Variants in CCDC171 observed in about 807,000 individuals in gnomAD.
CCDC171 encodes the protein coiled-coil domain-containing protein 171.
Under a neutral mutation model 168.2 loss-of-function variants are expected in CCDC171, and 177 were observed. The ratio of observed to expected loss-of-function variants is 1.05; its 90% CI spans 0.93 to 1.19. CCDC171 has a LOEUF of 1.19. Among genes scored for constraint, CCDC171 ranks in the 50% most tolerant of loss-of-function variants. CCDC171 has a pLI of 0.00. For synonymous variants in CCDC171, 687 were observed against 540.8 expected (o/e 1.27, Z -3.75); for missense variants, 1,991 against 1,539.0 (o/e 1.29, Z -4.91).
At chr9:16,089,618 C>T in the CCDC171 span, among the ~76,000 whole-genome samples, 2 of 151,902 alleles carry the variant, frequency 1.3e-5, no homozygotes, top group South Asian at 4.1e-4. Context: ...TTCCCAACAC[C>T]ATTTATTAAA....
chr9:15,795,064 AAAT>A (rs2058482990), intron 21 of CCDC171, among the ~76,000 whole-genome samples: 1 of 152,198 alleles, frequency 6.6e-6, no homozygotes, highest in African/African-American at 2.4e-5. Context: ...TGGAGTAATT[AAAT>A]AACAGTAGAA....
At position 15,967,766 on chromosome 9, in the gene CCDC171, C is replaced by G. The variant is rs188079534; in HGVS notation, c.3754-3843C>G. Among the ~76,000 whole-genome samples the G allele has an allele frequency of 2.5e-3, 375 of 152,248 alleles. 4 individuals carry two copies. Among genetic ancestry groups the G allele is most frequent in the African/African-American group, 8.1e-3 (338 of 41,532 alleles). On this transcript the variant is annotated intron_variant, in intron 25 of 25. Transcript: ENST00000380701. ...TCACACTATGTGCTTAGCATAATCTCCATGCAATACTACTAAGGCTTACTA... is the reference window on the plus strand; with the variant it reads ...TCACACTATGTGCTTAGCATAATCTGCATGCAATACTACTAAGGCTTACTA...
intron 25 of CCDC171, among the ~76,000 whole-genome samples, chr9:15,936,429 A>C (rs1227576695): frequency 1.3e-5 from 2 of 151,976 alleles, no homozygotes; most frequent in Non-Finnish European, 2.9e-5. Flanking sequence ...CAGAACACAC[A>C]GAGAGCCAGT....
intron 18 of CCDC171, among the ~76,000 whole-genome samples, chr9:15,768,674 G>A (rs956715531): frequency 6.6e-6 from 1 of 152,150 alleles, no homozygotes; most frequent in African/African-American, 2.4e-5. Flanking sequence ...TATTTAATTA[G>A]TATTTATATC....
the CCDC171 span, among the ~76,000 whole-genome samples, chr9:16,087,018 G>A: frequency 6.6e-6 from 1 of 152,190 alleles, no homozygotes; most frequent in Non-Finnish European, 1.5e-5. Flanking sequence ...AGGTTGTTCA[G>A]TTTCCATGTA....
At chr9:16,040,291 C>G (rs1833552150), upstream of CCDC171, among the ~76,000 whole-genome samples, 1 of 152,218 alleles carries the variant, frequency 6.6e-6, no homozygotes, top group Admixed American at 6.5e-5. Context: ...CCACTTCTCC[C>G]TCCCACACCT....
intron 7 of CCDC171, among the ~76,000 whole-genome samples, chr9:15,630,266 G>A (rs1233497694): frequency 1.3e-5 from 2 of 152,180 alleles, no homozygotes; most frequent in African/African-American, 2.4e-5. Context: ...TCAGTGTGCT[G>A]TATTCAGGAA....
intron 23 of CCDC171, among the ~76,000 whole-genome samples, chr9:15,874,100 A>G (rs1817535672): frequency 6.6e-6 from 1 of 152,226 alleles, no homozygotes; most frequent in African/African-American, 2.4e-5. Flanking sequence ...CTTTTCAAAG[A>G]CTAGTACCTA....
chr9:15,668,065 T>C (rs2133195224), intron 9 of CCDC171, among the ~76,000 whole-genome samples: 1 of 152,346 alleles, frequency 6.6e-6, no homozygotes, highest in East Asian at 1.9e-4. Flanking sequence ...ATTTCTTTAC[T>C]TTTGCTTTAA....
At chr9:15,704,589 A>G (rs1006581048) in intron 11 of CCDC171, among the ~76,000 whole-genome samples, 4 of 152,198 alleles carry the variant, frequency 2.6e-5, no homozygotes, top group African/African-American at 9.7e-5. Context: ...TGCTTTTCAA[A>G]ATGAAATGAA....
rs143497735 is a variant in CCDC171, at chr9:15,643,737, C to T, written c.823-13390C>T. On this transcript the variant is annotated intron_variant, in intron 7 of 25. Coordinates refer to ENST00000380701, the MANE Select transcript of CCDC171 (RefSeq NM_173550.4). ...CTACTGCCCTTTTCGTTCTCTCCTT[C>T]TTCCCTATCCTCCTGCAACCACTTA... is the stretch of plus-strand genomic sequence containing the variant. Among the ~76,000 whole-genome samples, 7 of 152,310 alleles carry T rather than the reference C, an allele frequency of 4.6e-5. No homozygotes were observed. In the East Asian group the frequency reaches 1.3e-3, roughly 29 times the overall value.
chr9:15,826,648 T>C (rs2060024926), intron 21 of CCDC171, among the ~76,000 whole-genome samples: 1 of 152,140 alleles, frequency 6.6e-6, no homozygotes, highest in South Asian at 2.1e-4. Flanking sequence ...TCAGCTAGGG[T>C]CTCTTGCAAC....
At chr9:16,079,589 G>A in the CCDC171 span, among the ~76,000 whole-genome samples, 3 of 152,224 alleles carry the variant, frequency 2.0e-5, no homozygotes, top group Non-Finnish European at 4.4e-5. Flanking sequence ...CAAATCACCA[G>A]AAGCCGGGAG....
chr9:15,929,625 T>G (rs1195273078), intron 25 of CCDC171, among the ~76,000 whole-genome samples: 1 of 151,806 alleles, frequency 6.6e-6, no homozygotes, highest in East Asian at 1.9e-4. Context: ...AGACCCATCC[T>G]CTTATTTCTA....
the CCDC171 span, among the ~76,000 whole-genome samples, chr9:16,108,756 GA>G: frequency 6.6e-6 from 1 of 152,142 alleles, no homozygotes; most frequent in African/African-American, 2.4e-5. Context: ...AAATATTTGG[GA>G]AAAAAATTAC....
intron 18 of CCDC171, among the ~76,000 whole-genome samples, chr9:15,757,994 G>A (rs2056229383): frequency 6.6e-6 from 1 of 152,182 alleles, no homozygotes. Context: ...GGCTCTTATA[G>A]AGAACCTCTG....
intron 10 of CCDC171, among the ~76,000 whole-genome samples, chr9:15,690,454 A>T (rs2050706230): frequency 6.6e-6 from 1 of 152,174 alleles, no homozygotes; most frequent in Admixed American, 6.5e-5. Context: ...TTATCTCACA[A>T]ATAGTTTTTA....
At chr9:15,952,569 G>T (rs1027194877) in intron 25 of CCDC171, among the ~76,000 whole-genome samples, 1 of 151,928 alleles carries the variant, frequency 6.6e-6, no homozygotes, top group Non-Finnish European at 1.5e-5. Context: ...GGCTAATTTT[G>T]TACTTTTAGT....
chr9:15,738,196 T>C (rs1564315389), intron 16 of CCDC171, among the ~76,000 whole-genome samples: 1 of 152,206 alleles, frequency 6.6e-6, no homozygotes, highest in Non-Finnish European at 1.5e-5. Context: ...TAGGGAAGTG[T>C]CTAATTTCTG....
Sources: allele counts gnomAD v4.1 joint callset (sites outside exome capture counted in the v4.1 genomes callset), GRCh38; gene constraint gnomAD v4.1.1; transcripts MANE v1.5; gene names NCBI Gene and HGNC (gene_info 2026-07-23, HGNC 2026-07-21).